Variants in IL1RAPL1 observed in about 807,000 individuals in gnomAD.
The protein encoded by IL1RAPL1 is interleukin-1 receptor accessory protein-like 1.
Under a neutral mutation model 48.4 loss-of-function variants are expected in IL1RAPL1, and 3 were observed. The ratio of observed to expected loss-of-function variants is 0.06; its 90% CI spans 0.03 to 0.16. The LOEUF is 0.16. Ranked by LOEUF, IL1RAPL1 falls within the 10% of genes least tolerant of loss-of-function variation. The pLI is 1.00. For synonymous variants in IL1RAPL1, 185 were observed against 187.7 expected, an observed-to-expected ratio of 0.99 and a Z score of 0.12; for missense variants, 349 against 530.6, an observed-to-expected ratio of 0.66 and a Z score of 3.36.
At chrX:29,000,657 CT>C (rs1425190635) in intron 2 of IL1RAPL1, among the ~76,000 whole-genome samples, 1 of 112,094 alleles carries the variant, frequency 8.9e-6, no homozygotes, top group Non-Finnish European at 1.9e-5. Context: ...ATACAGCATG[CT>C]GCTATTCCAT....
intron 1 of IL1RAPL1, among the ~76,000 whole-genome samples, chrX:28,665,798 G>T (rs1468547177): frequency 8.9e-6 from 1 of 112,155 alleles, no homozygotes; most frequent in African/African-American, 3.2e-5. Context: ...GCTATAAGTG[G>T]TACTTTATAA....
At chrX:28,799,670 A>T (rs930925987) in intron 2 of IL1RAPL1, among the ~76,000 whole-genome samples, 2 of 112,229 alleles carry the variant, frequency 1.8e-5, no homozygotes, top group Non-Finnish European at 3.8e-5. Context: ...TTCCAGAATG[A>T]CCAGTAAGGG....
intron 6 of IL1RAPL1, among the ~76,000 whole-genome samples, chrX:29,859,916 C>T (rs1233528069): frequency 8.9e-6 from 1 of 111,767 alleles, no homozygotes. Flanking sequence ...GAATAAAAGA[C>T]CTTTCTTATA....
intron 6 of IL1RAPL1, among the ~76,000 whole-genome samples, chrX:29,815,377 G>A (rs1930470043): frequency 9.0e-6 from 1 of 111,306 alleles, no homozygotes; most frequent in Non-Finnish European, 1.9e-5. Flanking sequence ...ATGGCTCTCA[G>A]CTTGAATGCT....
intron 1 of IL1RAPL1, among the ~76,000 whole-genome samples, chrX:28,774,604 A>C (rs1341526860): frequency 8.9e-6 from 1 of 112,047 alleles, no homozygotes; most frequent in Non-Finnish European, 1.9e-5. Context: ...TGAGTAAACG[A>C]GAAAATGTCA....
intron 3 of IL1RAPL1, among the ~76,000 whole-genome samples, chrX:29,326,834 A>G (rs762761302): frequency 8.9e-6 from 1 of 112,174 alleles, no homozygotes; most frequent in South Asian, 3.7e-4. Context: ...GCTGGAATCT[A>G]TACCAATTTT....
intron 2 of IL1RAPL1, among the ~76,000 whole-genome samples, chrX:29,135,995 C>T (rs1430085250): frequency 3.6e-5 from 4 of 112,041 alleles, no homozygotes; most frequent in Non-Finnish European, 5.6e-5. Flanking sequence ...CCTTGGCCTT[C>T]CAAAGTGCTG....
At chrX:29,638,573 T>G (rs1925051239) in intron 5 of IL1RAPL1, among the ~76,000 whole-genome samples, 1 of 112,072 alleles carries the variant, frequency 8.9e-6, no homozygotes, top group Admixed American at 9.4e-5. Flanking sequence ...CATATGCTTT[T>G]ATTCCTTGAC....
chrX:29,802,830 CAT>C (rs1491433493), intron 6 of IL1RAPL1, among the ~76,000 whole-genome samples: 22 of 31,845 alleles, frequency 6.9e-4, no homozygotes, highest in African/African-American at 3.0e-3. Context: ...TATATGTATA[CAT>C]ATATGTATAC....
At chrX:29,545,201 A>G (rs1461494636) in intron 5 of IL1RAPL1, among the ~76,000 whole-genome samples, 1 of 106,662 alleles carries the variant, frequency 9.4e-6, no homozygotes. Context: ...CTATCTATCT[A>G]TCTATCTATC....
At chrX:29,396,168 C>A in intron 3 of IL1RAPL1, 90 bp from the exon 4 acceptor site, 1 of 768,086 alleles carries the variant, frequency 1.3e-6, no homozygotes, top group Non-Finnish European at 2.0e-6. Context: ...GAAGTTTTTG[C>A]TTTTCTTTTA....
intron 5 of IL1RAPL1, among the ~76,000 whole-genome samples, chrX:29,515,673 T>C (rs906259974): frequency 1.8e-5 from 2 of 111,842 alleles, no homozygotes; most frequent in Non-Finnish European, 1.9e-5. Context: ...TTTCCAATTT[T>C]TGAGTGTTAC....
At chrX:29,433,061 T>C (rs987460014) in intron 5 of IL1RAPL1, among the ~76,000 whole-genome samples, 1 of 110,443 alleles carries the variant, frequency 9.1e-6, no homozygotes, top group Non-Finnish European at 1.9e-5. Flanking sequence ...CATGAATACA[T>C]GGTATGTCTG....
intron 2 of IL1RAPL1, among the ~76,000 whole-genome samples, chrX:28,802,454 A>G (rs1055133840): frequency 1.8e-5 from 2 of 112,307 alleles, no homozygotes; most frequent in Non-Finnish European, 3.8e-5. Context: ...TTTCTTCAAA[A>G]AATGTCAGTG....
intron 4 of IL1RAPL1, among the ~76,000 whole-genome samples, chrX:29,398,837 T>C (rs1933951842): frequency 8.9e-6 from 1 of 111,978 alleles, no homozygotes; most frequent in Non-Finnish European, 1.9e-5. Flanking sequence ...TCTATTCTTA[T>C]ATCTAATAAA....
intron 2 of IL1RAPL1, among the ~76,000 whole-genome samples, chrX:29,247,688 A>G (rs1385412881): frequency 9.0e-6 from 1 of 111,638 alleles, no homozygotes; most frequent in African/African-American, 3.3e-5. Context: ...AGGCTGAGGC[A>G]GGAGAATCGC....
At chrX:28,969,313 T>C (rs1924997741) in intron 2 of IL1RAPL1, among the ~76,000 whole-genome samples, 1 of 112,098 alleles carries the variant, frequency 8.9e-6, no homozygotes, top group African/African-American at 3.2e-5. Flanking sequence ...CATTACATCA[T>C]GCTCTTTCCC....
chrX:29,547,424 G>A (rs1921659262), intron 5 of IL1RAPL1, among the ~76,000 whole-genome samples: 1 of 110,970 alleles, frequency 9.0e-6, no homozygotes. Flanking sequence ...TTGATGATAA[G>A]TGATGTAAAA....
intron 2 of IL1RAPL1, among the ~76,000 whole-genome samples, chrX:28,946,105 T>C (rs1401344404): frequency 9.1e-6 from 1 of 109,725 alleles, no homozygotes; most frequent in East Asian, 2.9e-4. Flanking sequence ...AAGAGGTACA[T>C]GGTTAATATT....
Sources: gnomAD v4.1 joint callset for allele counts (sites outside exome capture counted in the v4.1 genomes callset) on GRCh38, gnomAD v4.1.1 for gene constraint, MANE v1.5 for transcripts, NCBI Gene and HGNC (gene_info 2026-07-23, HGNC 2026-07-21) for gene names.